LRP6: variants seen among roughly 807,000 people sequenced by gnomAD.
LRP6 encodes low-density lipoprotein receptor-related protein 6.
LRP6 carries 43 observed loss-of-function variants against 184.1 expected under a neutral mutation model. The ratio of observed to expected loss-of-function variants is 0.23; its 90% CI spans 0.18 to 0.30. LRP6 has a LOEUF of 0.30. Ranked by LOEUF, LRP6 falls within the 10% of genes least tolerant of loss-of-function variation. The probability of loss-of-function intolerance (pLI) is 1.00; values close to 1 mark genes in which losing one functional copy is unlikely to be tolerated. For missense variants in LRP6, 1,571 were observed against 2,005.3 expected (o/e 0.78, Z 4.14); for synonymous variants, 719 against 684.9 (o/e 1.05, Z -0.78).
intron 15 of LRP6, among the ~76,000 whole-genome samples, chr12:12,139,178 C>A (rs1949894816): frequency 1.3e-5 from 2 of 152,132 alleles, no homozygotes; most frequent in Admixed American, 1.3e-4. Context: ...CATAACAGTC[C>A]TTCAAATATT....
intron 2 of LRP6, among the ~76,000 whole-genome samples, chr12:12,229,206 A>C (rs147148331): frequency 0.041 from 6,282 of 152,158 alleles, 176 homozygotes; most frequent in Middle Eastern, 0.16. Flanking sequence ...CCCCATCTCT[A>C]CTAAAAACAC....
In LRP6 at chr12:12,164,338, CT is replaced by C. The variant is rs867232101; in HGVS notation, c.1986del (p.Glu663LysfsTer9). 1 of 1,614,014 alleles carries C rather than the reference CT, an allele frequency of 6.2e-7. No individual in the cohort carries two copies. Among genetic ancestry groups the C allele is most frequent in the African/African-American group, 1.3e-5 (1 of 74,914 alleles). Reference sequence around the variant, plus strand: ...ACATCAAAATCCAAAGCAGAAGCTTCTTTGACACCAGTGAGTGGAATAGCCA... The same window carrying C: ...ACATCAAAATCCAAAGCAGAAGCTTCTTGACACCAGTGAGTGGAATAGCCA... ...NNVAIPLTGV[K>X]EASALDFDVT... On this transcript the variant is annotated frameshift_variant, in exon 9 of 23. Transcript: ENST00000261349. LOFTEE classifies it high-confidence loss of function.
At position 12,244,498 on chromosome 12, in the gene LRP6, G is replaced by A. The variant is rs145354281; in HGVS notation, c.213C>T (p.Ser71=). The A allele has an allele frequency of 4.2e-4, 672 of 1,613,926 alleles. No individual in the cohort carries two copies. The highest frequency in any genetic ancestry group is 5.2e-4 in the Non-Finnish European group (618 of 1,180,038). Residue 71 remains serine (S), a synonymous_variant, in exon 2 of 23, where the codon AGC becomes AGT. Coordinates refer to ENST00000261349, the MANE Select transcript of LRP6 (RefSeq NM_002336.3). ...SHGLIYWSDV[S]EEAIKRTEFN... is the part of the protein sequence containing the mutation. ...ATTCTGTTCGTTTAATGGCTTCTTC[G>A]CTGACATCACTCCAGTATATCAAGC...
At chr12:12,156,155 T>C (rs1950149991) in intron 12 of LRP6, among the ~76,000 whole-genome samples, 2 of 152,202 alleles carry the variant, frequency 1.3e-5, no homozygotes, top group African/African-American at 4.8e-5. Flanking sequence ...TAAGGGGCAC[T>C]GGCACGTTGG....
Position 12,181,176 on chromosome 12 carries a change from C to T in LRP6, c.1240G>A (p.Ala414Thr). 6.2e-7 allele frequency: 1 copy of T among 1,614,136 alleles called. No individual in the cohort carries two copies. The highest frequency in any genetic ancestry group is 8.5e-7 in the Non-Finnish European group (1 of 1,180,004). ...HPDGIAVDWV[A>T]RNLYWTDTGT... Reference sequence around the variant, plus strand: ...GTGTCTGTCCAATAAAGATTTCGTGCAACCCAGTCCACAGCAATACCATCA... The same window carrying T: ...GTGTCTGTCCAATAAAGATTTCGTGTAACCCAGTCCACAGCAATACCATCA... The change falls in exon 6 of 23, where the codon GCA (alanine) becomes ACA (threonine). Residue 414 changes from alanine (A) to threonine (T), a missense_variant. By Grantham distance (58) the Ala-to-Thr change is moderately conservative (BLOSUM62 0). Around this residue, in one of 4 missense-constraint regions of LRP6, gnomAD observed 640 missense variants for 851.9 expected, o/e 0.75. Transcript: ENST00000261349.
In LRP6 at chr12:12,248,468, ACT is replaced by A. The variant is rs1865241946; in HGVS notation, c.56-3815_56-3814del. Among the ~76,000 whole-genome samples the A allele has an allele frequency of 6.2e-5, 5 of 80,490 alleles. 1 individual carries two copies. The South Asian group carries it at 2.0e-3, about 32-fold the overall frequency. 52.8% of individuals were successfully genotyped at this position (80,490 alleles called of 152,430 possible). On this transcript the variant is annotated intron_variant, in intron 1 of 22. Transcript: ENST00000261349. ...ATCCAGTGGTCTTTTCTCAGTCTTT[ACT>A]CTTTTTTTTTTTTTTTTTTTTTTTT...
intron 1 of LRP6, among the ~76,000 whole-genome samples, chr12:12,257,458 G>C (rs2135939958): frequency 6.6e-6 from 1 of 151,572 alleles, no homozygotes; most frequent in African/African-American, 2.4e-5. Flanking sequence ...GTGGGCGCCT[G>C]TAGTCCCAGC....
intron 16 of LRP6, among the ~76,000 whole-genome samples, chr12:12,135,546 T>C (rs963550246): frequency 6.6e-6 from 1 of 150,666 alleles, no homozygotes; most frequent in African/African-American, 2.4e-5. Context: ...CAGGCTGGAG[T>C]ACAGTGGTGT....
intron 2 of LRP6, among the ~76,000 whole-genome samples, chr12:12,220,811 G>A (rs1029536022): frequency 6.6e-6 from 1 of 152,002 alleles, no homozygotes. Flanking sequence ...CATTGCCCAG[G>A]CTGGTCTCAA....
In LRP6 at chr12:12,267,024, C is replaced by T. The variant is rs1302449525; in HGVS notation, c.-289G>A. 1.3e-5 allele frequency: 6 copies of T among 469,370 alleles called. 1 individual carries two copies. Among genetic ancestry groups the T allele is most frequent in the Non-Finnish European group, 2.3e-5 (6 of 266,348 alleles). The allele number at this position is 469,370 out of a possible 1,614,324, so 29.1% of individuals were successfully genotyped here. A position where few individuals can be genotyped will look rare whatever the true frequency, so the allele number is the denominator to read the frequency against. ...GCAGCTCCTCATTCAGCCTCTGCCT[C>T]GCGCAGCGGCGCAGGGATACGGTCG... On this transcript the variant is annotated 5_prime_UTR_variant, in exon 1 of 23. Coordinates refer to ENST00000261349, the MANE Select transcript of LRP6 (RefSeq NM_002336.3).
At position 12,261,266 on chromosome 12, in the gene LRP6, A is replaced by C. The variant is rs192962771; in HGVS notation, c.55+5415T>G. On this transcript the variant is annotated intron_variant, in intron 1 of 22. Coordinates refer to ENST00000261349, the MANE Select transcript of LRP6 (RefSeq NM_002336.3). ...AAACCCCATCTCTACTAAAAATACA[A>C]AAAATTAATCGGGCGTGGTGGCGGG... Among the ~76,000 whole-genome samples, 1,232 of 152,164 alleles carry C rather than the reference A, an allele frequency of 8.1e-3. 22 individuals are homozygous for C. Among genetic ancestry groups the C allele is most frequent in the Admixed American group, 0.038 (573 of 15,260 alleles).
chr12:12,147,643 A>C (rs530136197), intron 14 of LRP6, 87 bp from the exon 15 acceptor site: 338 of 1,060,014 alleles, frequency 3.2e-4, no homozygotes, highest in Non-Finnish European at 4.4e-4. Flanking sequence ...ATGGAGGTAG[A>C]GTATTTTTAA....
intron 12 of LRP6, among the ~76,000 whole-genome samples, chr12:12,154,267 G>GA (rs11416889): frequency 0.85 from 129,856 of 152,064 alleles, 55,659 homozygotes; most frequent in East Asian, 0.94. Flanking sequence ...CCTTCTCCCA[G>GA]TATCCGCATA....
intron 1 of LRP6, among the ~76,000 whole-genome samples, chr12:12,263,857 A>G (rs1392063535): frequency 6.6e-6 from 1 of 151,992 alleles, no homozygotes; most frequent in Non-Finnish European, 1.5e-5. Context: ...GGAATTCGTG[A>G]ACCTGGCCAA....
chr12:12,178,737 T>C (rs964146947), intron 7 of LRP6, among the ~76,000 whole-genome samples: 2 of 152,318 alleles, frequency 1.3e-5, no homozygotes, highest in East Asian at 1.9e-4. Flanking sequence ...AGAAAATTTA[T>C]GGAGTCTATG....
At chr12:12,251,115 T>C (rs1033805426) in intron 1 of LRP6, among the ~76,000 whole-genome samples, 1 of 151,542 alleles carries the variant, frequency 6.6e-6, no homozygotes, top group Admixed American at 6.6e-5. Context: ...GTATTTTTAG[T>C]AGAGACGTGG....
chr12:12,223,177 A>G (rs545716241), intron 2 of LRP6, among the ~76,000 whole-genome samples: 348 of 26,360 alleles, frequency 0.013, 1 homozygote, highest in African/African-American at 0.023. Flanking sequence ...ATTTCATCAG[A>G]AAAAAAAAAA....
chr12:12,176,663 A>G (rs1863190752), intron 7 of LRP6, among the ~76,000 whole-genome samples: 1 of 152,194 alleles, frequency 6.6e-6, no homozygotes, highest in South Asian at 2.1e-4. Context: ...GCTGATCTAA[A>G]GAATTTCCAC....
chr12:12,224,582 C>T (rs11054732), intron 2 of LRP6, among the ~76,000 whole-genome samples: 19,982 of 152,164 alleles, frequency 0.13, 1,722 homozygotes, highest in African/African-American at 0.24. Flanking sequence ...AGTTCTCTAA[C>T]ACTTATGTGT....
Sources: allele counts gnomAD v4.1 joint callset (sites outside exome capture counted in the v4.1 genomes callset), GRCh38; gene constraint gnomAD v4.1.1; regional missense constraint gnomAD v4.1.1; transcripts MANE v1.5; gene names NCBI Gene and HGNC (gene_info 2026-07-23, HGNC 2026-07-21).